PARD3: variants seen among roughly 807,000 people sequenced by gnomAD.
PARD3 encodes partitioning defective 3 homolog.
A neutral mutation model predicts 155.4 loss-of-function variants in PARD3; 75 were observed. That is an observed-to-expected ratio of 0.48 (90% CI 0.40 to 0.58). The LOEUF is 0.58. PARD3 is among the 20% of genes least tolerant of loss of function. The probability of loss-of-function intolerance (pLI) is 0.00; values close to 1 mark genes in which losing one functional copy is unlikely to be tolerated. For synonymous variants in PARD3, 576 were observed against 610.5 expected (o/e 0.94, Z 0.83); for missense variants, 1,642 against 1,721.7 (o/e 0.95, Z 0.82).
intron 1 of PARD3, among the ~76,000 whole-genome samples, chr10:34,759,732 T>C (rs1270542310): frequency 1.3e-5 from 2 of 152,248 alleles, no homozygotes; most frequent in Non-Finnish European, 2.9e-5. Flanking sequence ...ATAACGTGTG[T>C]GCTGCGGTAA....
intron 22 of PARD3, among the ~76,000 whole-genome samples, chr10:34,160,398 G>A (rs1949217101): frequency 6.6e-6 from 1 of 152,208 alleles, no homozygotes; most frequent in Admixed American, 6.5e-5. Flanking sequence ...TAATACTCAA[G>A]AGACAGTATA....
At chr10:34,659,745 T>A (rs1005321220) in intron 2 of PARD3, among the ~76,000 whole-genome samples, 2 of 152,200 alleles carry the variant, frequency 1.3e-5, no homozygotes, top group African/African-American at 4.8e-5. Context: ...AATTTCTAAT[T>A]CATACCACCT....
Position 34,605,537 on chromosome 10 carries a change from C to CTA in PARD3, c.223-88380_223-88379dup, listed in dbSNP as rs1226768521. Among the ~76,000 whole-genome samples the CTA allele has an allele frequency of 4.5e-3, 116 of 25,704 alleles. 20 individuals are homozygous for CTA. Among genetic ancestry groups the CTA allele is most frequent in the Admixed American group, 6.4e-3 (15 of 2,342 alleles). The allele number at this position is 25,704 out of a possible 152,430, so 16.9% of individuals were successfully genotyped here. On this transcript the variant is annotated intron_variant, in intron 2 of 24. Coordinates refer to ENST00000374788, the MANE Select transcript of PARD3 (RefSeq NM_001184785.2). The stretch of plus-strand genomic sequence containing the variant: ...TATATATATCTCCTATATATATCTC[C>CTA]TATATATATATATATATATCTCCTA...
At chr10:34,253,352 ATG>A (rs1954444307) in intron 22 of PARD3, among the ~76,000 whole-genome samples, 1 of 152,200 alleles carries the variant, frequency 6.6e-6, no homozygotes, top group East Asian at 1.9e-4. Context: ...ACTGTAAATC[ATG>A]TGTCATTCAC....
chr10:34,646,439 A>C (rs890597601), intron 2 of PARD3, among the ~76,000 whole-genome samples: 2 of 152,216 alleles, frequency 1.3e-5, no homozygotes, highest in African/African-American at 4.8e-5. Flanking sequence ...ATATTTTAAT[A>C]TGTTTAAATG....
intron 2 of PARD3, among the ~76,000 whole-genome samples, chr10:34,638,778 C>T (rs2092570326): frequency 2.0e-5 from 3 of 152,210 alleles, no homozygotes; most frequent in Non-Finnish European, 2.9e-5. Flanking sequence ...GGCAAAACCA[C>T]GTAAAAATCT....
chr10:34,346,503 G>A, intron 15 of PARD3: 1 of 1,333,312 alleles, frequency 7.5e-7, no homozygotes, highest in Admixed American at 2.1e-5. Flanking sequence ...AATATCTAGG[G>A]ACACATGCAC....
At position 34,127,525 on chromosome 10, in the gene PARD3, G is replaced by T. The variant is rs143455343; in HGVS notation, c.3540+3938C>A. Among the ~76,000 whole-genome samples, 593 of 151,988 alleles carry T rather than the reference G, an allele frequency of 3.9e-3. 2 individuals carry two copies. Among genetic ancestry groups the T allele is most frequent in the Middle Eastern group, 0.024 (7 of 294 alleles). ...AGTTCTGAGGGCATTTTTTCTTTTC[G>T]ATCTTTGTTCTCCCATACCAACCAC... On this transcript the variant is annotated intron_variant, in intron 23 of 24. Transcript: ENST00000374788.
At chr10:34,685,530 C>T (rs1473186601) in intron 2 of PARD3, among the ~76,000 whole-genome samples, 2 of 152,024 alleles carry the variant, frequency 1.3e-5, no homozygotes, top group Non-Finnish European at 2.9e-5. Flanking sequence ...GGAAAAAACT[C>T]AGAGTAAACC....
At chr10:34,398,272 C>T (rs1369799998) in intron 7 of PARD3, among the ~76,000 whole-genome samples, 1 of 152,022 alleles carries the variant, frequency 6.6e-6, no homozygotes, top group African/African-American at 2.4e-5. Context: ...TACCATTGTT[C>T]AAATACTCAT....
At position 34,461,610 on chromosome 10, in the gene PARD3, AAAAT is replaced by A. The variant is rs1001843741; in HGVS notation, c.582+8471_582+8474del. ...GACAGAGTGAGACTCCATCTCAAGA[AAAAT>A]AAATAAATAAATAAAAAGATGAAAT... On this transcript the variant is annotated intron_variant, in intron 4 of 24. Coordinates refer to ENST00000374788, the MANE Select transcript of PARD3 (RefSeq NM_001184785.2). Among the ~76,000 whole-genome samples the A allele has an allele frequency of 4.6e-5, 7 of 152,222 alleles. No individual in the cohort carries two copies. In the East Asian group the frequency reaches 9.6e-4, roughly 21 times the overall value.
chr10:34,526,993 T>C (rs575944883), intron 2 of PARD3, among the ~76,000 whole-genome samples: 7 of 152,226 alleles, frequency 4.6e-5, no homozygotes, highest in Admixed American at 6.5e-5. Context: ...AACTCTATAC[T>C]TTATTTTTTG....
At chr10:34,216,399 A>C (rs1446522587) in intron 22 of PARD3, among the ~76,000 whole-genome samples, 1 of 152,220 alleles carries the variant, frequency 6.6e-6, no homozygotes, top group Non-Finnish European at 1.5e-5. Context: ...TAGCCGTCTT[A>C]AACACTGCAA....
chr10:34,183,028 C>G (rs142580145), intron 22 of PARD3, among the ~76,000 whole-genome samples: 3 of 152,304 alleles, frequency 2.0e-5, no homozygotes, highest in Non-Finnish European at 4.4e-5. Context: ...TATCACTGAG[C>G]CACTAGACCA....
At chr10:34,591,925 G>A (rs78792930) in intron 2 of PARD3, among the ~76,000 whole-genome samples, 2,618 of 152,190 alleles carry the variant, frequency 0.017, 71 homozygotes, top group African/African-American at 0.06. Context: ...GCAGGCCTAA[G>A]GTACGATGGA....
At chr10:34,409,141 C>G (rs1844794779) in intron 5 of PARD3, among the ~76,000 whole-genome samples, 1 of 151,900 alleles carries the variant, frequency 6.6e-6, no homozygotes, top group Non-Finnish European at 1.5e-5. Flanking sequence ...TTTCCATTTC[C>G]CAGAGAAATG....
At chr10:34,464,117 G>A (rs893831568) in intron 4 of PARD3, among the ~76,000 whole-genome samples, 6 of 116,038 alleles carry the variant, frequency 5.2e-5, no homozygotes, top group African/African-American at 7.8e-5. Context: ...GAGGTCCTGC[G>A]GGAAAAAAAA....
intron 3 of PARD3, among the ~76,000 whole-genome samples, chr10:34,485,668 G>A (rs1180707854): frequency 1.3e-5 from 2 of 152,130 alleles, no homozygotes; most frequent in Admixed American, 1.3e-4. Flanking sequence ...GGAGCCCAAG[G>A]TTCTTACTAT....
chr10:34,255,288 C>T (rs1337404548), intron 22 of PARD3, among the ~76,000 whole-genome samples: 2 of 152,162 alleles, frequency 1.3e-5, no homozygotes, highest in African/African-American at 4.8e-5. Flanking sequence ...TATAGCACCC[C>T]TTGGAGTTGT....
Sources: allele counts gnomAD v4.1 joint callset (sites outside exome capture counted in the v4.1 genomes callset), GRCh38; gene constraint gnomAD v4.1.1; transcripts MANE v1.5; gene names NCBI Gene and HGNC (gene_info 2026-07-23, HGNC 2026-07-21).